Variants in KSR1 observed in about 807,000 individuals in gnomAD.
The protein encoded by KSR1 is kinase suppressor of ras 1.
In KSR1, 35 loss-of-function variants were observed where a neutral mutation model predicts 92.9. That is an observed-to-expected ratio of 0.38 (90% CI 0.29 to 0.50). The LOEUF is 0.50. Among genes scored for constraint, KSR1 ranks in the 20% least tolerant of loss-of-function variants. The pLI is 0.94. For missense variants in KSR1, 972 were observed against 1,158.5 expected (o/e 0.84, Z 2.34); for synonymous variants, 467 against 472.6 (o/e 0.99, Z 0.15).
chr17:27,494,349 C>G (rs116911751), intron 1 of KSR1, among the ~76,000 whole-genome samples: 1 of 152,168 alleles, frequency 6.6e-6, no homozygotes, highest in East Asian at 1.9e-4. Flanking sequence ...TCTTGCAGTC[C>G]AAGCAGGTGA....
rs577884030 is a variant in KSR1 at position 27,497,443 on chromosome 17, A to G, written c.231+40569A>G. On this transcript the variant is annotated intron_variant, in intron 1 of 20. Transcript: ENST00000644974. ...TACTGTAAACCCCATAATGAAGAAG[A>G]TGTCTCCTTACAGCCCCCTTTCAGT... is the stretch of plus-strand genomic sequence containing the variant. 2.6e-5 allele frequency among the ~76,000 whole-genome samples: 4 copies of G among 152,328 alleles called. No individual in the cohort carries two copies. The East Asian group carries it at 5.8e-4, about 22-fold the overall frequency.
intron 1 of KSR1, among the ~76,000 whole-genome samples, chr17:27,519,663 G>C (rs1216730395): frequency 6.6e-6 from 1 of 152,188 alleles, no homozygotes; most frequent in Non-Finnish European, 1.5e-5. Context: ...TGAGTGTTTA[G>C]AGCTGCCAGA....
intron 1 of KSR1, among the ~76,000 whole-genome samples, chr17:27,457,627 C>A (rs1030615348): frequency 6.6e-6 from 1 of 152,100 alleles, no homozygotes; most frequent in Non-Finnish European, 1.5e-5. Flanking sequence ...ATAAGATATG[C>A]GGGCCTTCCT....
At position 27,456,798 on chromosome 17, in the gene KSR1, T is replaced by G; in HGVS notation, c.155T>G (p.Ile52Ser). Residue 52 changes from isoleucine to serine, a missense_variant, in exon 1 of 21, where the codon ATC becomes AGC. Physicochemically the swap from Ile to Ser is moderately radical, Grantham distance 142. Around this residue, in one of 5 missense-constraint regions of KSR1, gnomAD observed 19 missense variants for 60.3 expected, o/e 0.32. Coordinates refer to ENST00000644974, the MANE Select transcript of KSR1 (RefSeq NM_001394583.1). The part of the protein sequence containing the change: ...GQLQKLIDIS[I>S]GSLRGLRTKC... Reference sequence around the variant, plus strand: ...CTCCAGAAGCTCATCGACATCTCCATCGGCAGCCTGCGCGGGCTGCGCACC... The same window carrying G: ...CTCCAGAAGCTCATCGACATCTCCAGCGGCAGCCTGCGCGGGCTGCGCACC... The G allele has an allele frequency of 6.4e-7, 1 of 1,557,606 alleles. No individual in the cohort carries two copies. Among genetic ancestry groups the G allele is most frequent in the Non-Finnish European group, 8.7e-7 (1 of 1,144,646 alleles).
At chr17:27,505,407 T>A (rs1407495666) in intron 1 of KSR1, among the ~76,000 whole-genome samples, 1 of 152,204 alleles carries the variant, frequency 6.6e-6, no homozygotes, top group Non-Finnish European at 1.5e-5. Context: ...TAGTTCTTCA[T>A]CCAAGAAGGT....
rs554761290 is a variant in KSR1, at chr17:27,526,884, A to G, written c.232-23684A>G. On this transcript the variant is annotated intron_variant, in intron 1 of 20. Transcript: ENST00000644974. Reference sequence around the variant, plus strand: ...CAGGAAGTAGAGCTGCTCCAGCAGCATGCTGGTGATCTCCTTCCCTAGGAC... The same window carrying G: ...CAGGAAGTAGAGCTGCTCCAGCAGCGTGCTGGTGATCTCCTTCCCTAGGAC... 9.2e-6 allele frequency: 6 copies of G among 649,664 alleles called. No homozygotes were observed. In the Admixed American group the frequency reaches 1.1e-4, roughly 12 times the overall value. The allele number at this position is 649,664 out of a possible 1,614,324, so 40.2% of individuals were successfully genotyped here.
chr17:27,591,026 T>C, intron 7 of KSR1, 132 bp downstream of exon 7: 2 of 726,522 alleles, frequency 2.8e-6, no homozygotes, highest in Non-Finnish European at 4.6e-6. Context: ...TCAGGGAGAC[T>C]AAGCAAGTTA....
chr17:27,503,365 A>C (rs961882376), intron 1 of KSR1, among the ~76,000 whole-genome samples: 6 of 152,152 alleles, frequency 3.9e-5, no homozygotes, highest in African/African-American at 1.4e-4. Context: ...ACCTCCTGCA[A>C]CAAAGAATTA....
At chr17:27,478,801 G>C (rs1231586737) in intron 1 of KSR1, among the ~76,000 whole-genome samples, 1 of 152,080 alleles carries the variant, frequency 6.6e-6, no homozygotes, top group African/African-American at 2.4e-5. Flanking sequence ...GTCATGCTGT[G>C]ACCCTGGGCA....
At chr17:27,470,689 C>G (rs1025756002) in intron 1 of KSR1, among the ~76,000 whole-genome samples, 6 of 152,050 alleles carry the variant, frequency 3.9e-5, no homozygotes, top group Non-Finnish European at 7.4e-5. Context: ...CCATTTAACT[C>G]CTGTTGAATG....
intron 1 of KSR1, among the ~76,000 whole-genome samples, chr17:27,517,764 A>G (rs2151014483): frequency 6.6e-6 from 1 of 152,280 alleles, no homozygotes; most frequent in East Asian, 1.9e-4. Context: ...CCCTTGGCCC[A>G]CTTCTGTATT....
At chr17:27,604,762 C>G in intron 13 of KSR1, 34 bp downstream of exon 13, 3 of 1,610,524 alleles carry the variant, frequency 1.9e-6, no homozygotes, top group Non-Finnish European at 2.5e-6. Context: ...ACAGATGGCC[C>G]CCCCTCTTTT....
rs1414731564 is a variant in KSR1 at position 27,625,394 on chromosome 17, C to G, written c.*2002C>G. On this transcript the variant is annotated 3_prime_UTR_variant, in exon 21 of 21. Coordinates refer to ENST00000644974, the MANE Select transcript of KSR1 (RefSeq NM_001394583.1). ...CACAGTTAAAGAAGCGCTCATTGAG[C>G]AACTACAGTGCACTTGGTCTTCTGC... is the stretch of plus-strand genomic sequence containing the variant. 6.6e-6 allele frequency: 1 copy of G among 152,292 alleles called. No individual in the cohort carries two copies. Among genetic ancestry groups the G allele is most frequent in the Admixed American group, 6.5e-5 (1 of 15,288 alleles). 9.4% of individuals were successfully genotyped at this position (152,292 alleles called of 1,614,324 possible).
intron 1 of KSR1, among the ~76,000 whole-genome samples, chr17:27,535,341 A>T (rs1434638242): frequency 6.6e-6 from 1 of 152,194 alleles, no homozygotes; most frequent in Admixed American, 6.5e-5. Flanking sequence ...TATCCATAAG[A>T]TACACAATCA....
intron 1 of KSR1, among the ~76,000 whole-genome samples, chr17:27,530,227 T>C (rs2070478842): frequency 6.6e-6 from 1 of 152,062 alleles, no homozygotes; most frequent in Non-Finnish European, 1.5e-5. Flanking sequence ...GGTGGATCGC[T>C]GGAGCCCAGG....
intron 1 of KSR1, among the ~76,000 whole-genome samples, chr17:27,547,550 G>A (rs1172882070): frequency 6.6e-6 from 1 of 152,148 alleles, no homozygotes; most frequent in Admixed American, 6.5e-5. Context: ...GCAGTTATTA[G>A]ATGCACTGTT....
At chr17:27,590,758 G>T in intron 6 of KSR1, 53 bp from the exon 7 acceptor site, 1 of 1,530,600 alleles carries the variant, frequency 6.5e-7, no homozygotes. Context: ...TTCTGTGGCT[G>T]GGCCTTGGCC....
In KSR1 at chr17:27,588,547, G is replaced by A. The variant is rs72845095; in HGVS notation, c.1046+12G>A. The A allele has an allele frequency of 1.8e-3, 2,918 of 1,584,492 alleles. 2 individuals carry two copies. The highest frequency in any genetic ancestry group is 2.2e-3 in the Non-Finnish European group (2,567 of 1,165,728). ...TCGGTGACGCACAGGTAGGCACAGC[G>A]GGCCTGGAGGGGGAGCAGGGCACAG... On this transcript the variant is annotated intron_variant, in intron 6 of 20. Transcript: ENST00000644974.
chr17:27,541,213 G>T (rs1193470540), intron 1 of KSR1, among the ~76,000 whole-genome samples: 1 of 152,218 alleles, frequency 6.6e-6, no homozygotes, highest in African/African-American at 2.4e-5. Context: ...GTGCTGGTGA[G>T]CTGGAAGCTG....
Sources: allele counts gnomAD v4.1 joint callset (sites outside exome capture counted in the v4.1 genomes callset), GRCh38; gene constraint gnomAD v4.1.1; regional missense constraint gnomAD v4.1.1; transcripts MANE v1.5; gene names NCBI Gene and HGNC (gene_info 2026-07-23, HGNC 2026-07-21).